CSF2RA: variants seen among roughly 807,000 people sequenced by gnomAD.
CSF2RA encodes granulocyte-macrophage colony-stimulating factor receptor subunit alpha.
A neutral mutation model predicts 51.6 loss-of-function variants in CSF2RA; 42 were observed. That is an observed-to-expected ratio of 0.81 (90% CI 0.64 to 1.05). CSF2RA has a LOEUF of 1.05. Ranked by LOEUF, CSF2RA falls within the 50% of genes least tolerant of loss-of-function variation. CSF2RA has a pLI of 0.00. For missense variants in CSF2RA, 530 were observed against 501.1 expected (o/e 1.06, Z -0.55); for synonymous variants, 222 against 193.0 (o/e 1.15, Z -1.24).
intron 2 of CSF2RA, among the ~76,000 whole-genome samples, chrX:1,280,853 T>TCCTCCTC (rs1569494208): frequency 1.3e-5 from 1 of 76,704 alleles, no homozygotes; most frequent in Non-Finnish European, 2.9e-5. Context: ...TTCCTCTCCT[T>TCCTCCTC]CTCCTCCTCC....
chrX:1,301,595 CTTT>C (rs777108928), intron 10 of CSF2RA, among the ~76,000 whole-genome samples: 14,790 of 105,590 alleles, frequency 0.14, 790 homozygotes, highest in Non-Finnish European at 0.17. Context: ...CTCTTTTTTT[CTTT>C]TTTTTTTTTT....
chrX:1,301,727 G>C (rs1346920133), intron 10 of CSF2RA, among the ~76,000 whole-genome samples: 3 of 149,424 alleles, frequency 2.0e-5, no homozygotes, highest in Non-Finnish European at 4.4e-5. Flanking sequence ...CTCCCCAGTA[G>C]CTGGGACTAC....
rs73618042 is a variant in CSF2RA, at chrX:1,294,234, T to C, written c.647-94T>C. 2.0e-3 allele frequency: 3,022 copies of C among 1,502,498 alleles called. 51 individuals are homozygous for C. The African/African-American group carries it at 0.035, about 18-fold the overall frequency. The allele number at this position is 1,502,498 out of a possible 1,614,324, so 93.1% of individuals were successfully genotyped here. ...CTACTCCACCTCCACCTGGACCCAG[T>C]GTAGACAGGAGGAGACTCTGCACCA... is the stretch of plus-strand genomic sequence containing the variant. On this transcript the variant is annotated intron_variant, in intron 7 of 12. Transcript: ENST00000381529.
chrX:1,280,471 CA>C (rs750353851), intron 2 of CSF2RA, among the ~76,000 whole-genome samples: 11,225 of 129,310 alleles, frequency 0.087, 466 homozygotes, highest in Non-Finnish European at 0.13. Context: ...AACTCCGTCT[CA>C]AAAAAAAAAA....
chrX:1,276,360 ATATTTATT>A (rs779415702), intron 2 of CSF2RA, among the ~76,000 whole-genome samples: 32,454 of 149,672 alleles, frequency 0.22, 4,111 homozygotes, highest in East Asian at 0.3. Context: ...GTTTGTTTAT[ATATTTATT>A]TATTTATTTA....
At chrX:1,308,215 C>T (rs1276728680) in intron 12 of CSF2RA, among the ~76,000 whole-genome samples, 2 of 152,118 alleles carry the variant, frequency 1.3e-5, no homozygotes, top group African/African-American at 4.8e-5. Flanking sequence ...CATTCAATAA[C>T]TGGGGACTGT....
the CSF2RA span, among the ~76,000 whole-genome samples, chrX:1,324,868 G>A: frequency 1.3e-5 from 2 of 152,220 alleles, no homozygotes; most frequent in African/African-American, 4.8e-5. Context: ...GGGAAAGAAA[G>A]GCAGGAAAGT....
chrX:1,312,232 C>A (rs1256962759), downstream of CSF2RA, among the ~76,000 whole-genome samples: 3 of 152,150 alleles, frequency 2.0e-5, no homozygotes, highest in East Asian at 1.9e-4. Flanking sequence ...AACCACCACA[C>A]CTGTTCCTTA....
At chrX:1,312,146 G>C (rs1323299006), downstream of CSF2RA, among the ~76,000 whole-genome samples, 1 of 151,962 alleles carries the variant, frequency 6.6e-6, no homozygotes. Flanking sequence ...TAGTAGAGAT[G>C]GGGTTTCACC....
chrX:1,317,246 C>CTTTTTTTTTTTTTTT, the CSF2RA span, among the ~76,000 whole-genome samples: 76 of 57,826 alleles, frequency 1.3e-3, no homozygotes, highest in Non-Finnish European at 1.5e-3. Context: ...CCACGCTCAG[C>CTTTTTTTTTTTTTTT]TTTTTTTTTT....
At chrX:1,280,587 G>T (rs1264650110) in intron 2 of CSF2RA, among the ~76,000 whole-genome samples, 1 of 151,944 alleles carries the variant, frequency 6.6e-6, no homozygotes, top group Non-Finnish European at 1.5e-5. Context: ...ACATTTTCTG[G>T]TTGACAATTG....
intron 12 of CSF2RA, among the ~76,000 whole-genome samples, chrX:1,307,185 G>A (rs2083661359): frequency 6.6e-6 from 1 of 152,146 alleles, no homozygotes; most frequent in South Asian, 2.1e-4. Context: ...GCATCCCAGA[G>A]GCAGAACTGT....
downstream of CSF2RA, among the ~76,000 whole-genome samples, chrX:1,313,846 C>T (rs1255690511): frequency 2.8e-4 from 42 of 151,434 alleles, no homozygotes; most frequent in African/African-American, 9.5e-4. Context: ...AAATCTTAGC[C>T]GGGTGTGGTG....
chrX:1,309,181 GGC>G (rs2083983314), intron 12 of CSF2RA, among the ~76,000 whole-genome samples: 2 of 152,170 alleles, frequency 1.3e-5, no homozygotes, highest in Non-Finnish European at 2.9e-5. Flanking sequence ...AATTTGTGGT[GGC>G]GGGCGCCTGT....
At chrX:1,271,332 ATTTTTTTT>A (rs752978804) in intron 1 of CSF2RA, among the ~76,000 whole-genome samples, 2 of 14,446 alleles carry the variant, frequency 1.4e-4, no homozygotes, top group Admixed American at 3.6e-3. Context: ...TAATTTTTGT[ATTTTTTTT>A]TTTTTTTTTT....
At chrX:1,306,161 GGA>G (rs2148674906) in intron 12 of CSF2RA, among the ~76,000 whole-genome samples, 1 of 151,950 alleles carries the variant, frequency 6.6e-6, no homozygotes, top group South Asian at 2.1e-4. Flanking sequence ...GGAGAGAGAT[GGA>G]GGAGAGAGAG....
downstream of CSF2RA, among the ~76,000 whole-genome samples, chrX:1,314,078 G>A (rs2084302757): frequency 6.6e-6 from 1 of 151,826 alleles, no homozygotes; most frequent in Non-Finnish European, 1.5e-5. Context: ...GGCCTAGGAT[G>A]ACTGAGGCCC....
the CSF2RA span, among the ~76,000 whole-genome samples, chrX:1,317,757 A>G: frequency 6.6e-6 from 1 of 151,608 alleles, no homozygotes; most frequent in African/African-American, 2.4e-5. Flanking sequence ...GGAAGAAGAG[A>G]AATTCTAATG....
intron 11 of CSF2RA, 53 bp from the exon 12 acceptor site, chrX:1,305,393 G>A: frequency 6.3e-7 from 1 of 1,599,954 alleles, no homozygotes; most frequent in Non-Finnish European, 8.6e-7. Flanking sequence ...TTGATGGAAG[G>A]AACTCTGGTG....
Sources: gnomAD v4.1 joint callset for allele counts (sites outside exome capture counted in the v4.1 genomes callset) on GRCh38, gnomAD v4.1.1 for gene constraint, MANE v1.5 for transcripts, NCBI Gene and HGNC (gene_info 2026-07-23, HGNC 2026-07-21) for gene names.